Variants in CAMK1D observed in about 807,000 individuals in gnomAD.
CAMK1D encodes calcium/calmodulin-dependent protein kinase type 1D.
Under a neutral mutation model 47.7 loss-of-function variants are expected in CAMK1D, and 9 were observed. That is an observed-to-expected ratio of 0.19 (90% CI 0.11 to 0.33). The LOEUF (loss-of-function observed/expected upper bound fraction) is 0.33. Ranked by LOEUF, CAMK1D falls within the 10% of genes least tolerant of loss-of-function variation. The probability of loss-of-function intolerance (pLI) is 1.00; values close to 1 mark genes in which losing one functional copy is unlikely to be tolerated. For synonymous variants in CAMK1D, 184 were observed against 184.9 expected (o/e 0.99, Z 0.04); for missense variants, 291 against 488.7 (o/e 0.60, Z 3.81).
intron 1 of CAMK1D, among the ~76,000 whole-genome samples, chr10:12,475,934 C>T (rs747471376): frequency 1.6e-4 from 25 of 151,828 alleles, no homozygotes; most frequent in Non-Finnish European, 3.4e-4. Context: ...GTGATTTGAG[C>T]GCAGCGTAGG....
At chr10:12,763,335 T>G (rs1452633907) in intron 4 of CAMK1D, among the ~76,000 whole-genome samples, 1 of 152,234 alleles carries the variant, frequency 6.6e-6, no homozygotes, top group Non-Finnish European at 1.5e-5. Context: ...TCGTGTTAAT[T>G]TAAGCTTAGT....
intron 2 of CAMK1D, among the ~76,000 whole-genome samples, chr10:12,554,030 A>T (rs1836677951): frequency 6.6e-6 from 1 of 152,010 alleles, no homozygotes; most frequent in African/African-American, 2.4e-5. Flanking sequence ...TCACTGTTTC[A>T]GTGCTTACCT....
At chr10:12,644,534 C>T (rs1380894372) in intron 2 of CAMK1D, among the ~76,000 whole-genome samples, 1 of 152,172 alleles carries the variant, frequency 6.6e-6, no homozygotes, top group East Asian at 1.9e-4. Context: ...AGTTTTCTCT[C>T]CCTGGTCACT....
intron 3 of CAMK1D, among the ~76,000 whole-genome samples, chr10:12,717,729 T>C (rs1208084913): frequency 1.1e-4 from 4 of 36,956 alleles, no homozygotes; most frequent in African/African-American, 1.6e-4. Context: ...CTACAAAAAA[T>C]TGAAAAAAAA....
chr10:12,599,094 T>C (rs976981934), intron 2 of CAMK1D, among the ~76,000 whole-genome samples: 1 of 152,216 alleles, frequency 6.6e-6, no homozygotes, highest in Non-Finnish European at 1.5e-5. Context: ...TGTATGTTCA[T>C]ATGTTCCTAC....
chr10:12,679,814 C>T (rs1020511693), intron 3 of CAMK1D, among the ~76,000 whole-genome samples: 31 of 152,186 alleles, frequency 2.0e-4, no homozygotes, highest in Admixed American at 7.9e-4. Context: ...AGCACAGTCC[C>T]GCCCAGCACC....
intron 3 of CAMK1D, among the ~76,000 whole-genome samples, chr10:12,723,431 G>A (rs1588849675): frequency 6.6e-6 from 1 of 152,060 alleles, no homozygotes; most frequent in South Asian, 2.1e-4. Flanking sequence ...TCGTTTTTGG[G>A]GCATCTCATC....
chr10:12,644,279 C>T (rs1291196317), intron 2 of CAMK1D, among the ~76,000 whole-genome samples: 1 of 152,106 alleles, frequency 6.6e-6, no homozygotes, highest in Non-Finnish European at 1.5e-5. Flanking sequence ...CTCTAAGTTT[C>T]CCAACGAAAA....
intron 1 of CAMK1D, among the ~76,000 whole-genome samples, chr10:12,363,555 C>A (rs1482634013): frequency 1.3e-5 from 2 of 151,924 alleles, no homozygotes; most frequent in Non-Finnish European, 2.9e-5. Context: ...ACTTGTAATA[C>A]CCAATACAAT....
chr10:12,717,540 A>G (rs562930339), intron 3 of CAMK1D, among the ~76,000 whole-genome samples: 10 of 152,118 alleles, frequency 6.6e-5, no homozygotes, highest in East Asian at 3.9e-4. Context: ...TTCTCCACGA[A>G]AAAAAGATTT....
At chr10:12,575,593 A>G (rs1837467620) in intron 2 of CAMK1D, among the ~76,000 whole-genome samples, 1 of 152,216 alleles carries the variant, frequency 6.6e-6, no homozygotes, top group Admixed American at 6.5e-5. Context: ...ATTGGGATGC[A>G]GAAAGAAAAT....
chr10:12,692,988 A>T (rs1832988631), intron 3 of CAMK1D, among the ~76,000 whole-genome samples: 1 of 152,202 alleles, frequency 6.6e-6, no homozygotes, highest in Non-Finnish European at 1.5e-5. Flanking sequence ...TGCTGTGATT[A>T]ACATTTCAAT....
chr10:12,407,849 C>CTTT lies in CAMK1D; in HGVS notation c.92+57949_92+57951dup, dbSNP rs1347791228. ...TCCTCAAGGGTGTGATTGGCTGACT[C>CTTT]TTTTTTTTTTTTCTTTTTTTTTTTT... On this transcript the variant is annotated intron_variant, in intron 1 of 10. Transcript: ENST00000619168. 2.0e-3 allele frequency among the ~76,000 whole-genome samples: 258 copies of CTTT among 126,214 alleles called. 9 individuals are homozygous for CTTT. Among genetic ancestry groups the CTTT allele is most frequent in the African/African-American group, 2.7e-3 (89 of 33,064 alleles). The allele number at this position is 126,214 out of a possible 152,430, so 82.8% of individuals were successfully genotyped here.
intron 1 of CAMK1D, among the ~76,000 whole-genome samples, chr10:12,435,958 G>A (rs148361355): frequency 1.3e-5 from 2 of 152,316 alleles, no homozygotes; most frequent in East Asian, 3.9e-4. Flanking sequence ...ACCCTTGTCT[G>A]TAGATGAGCA....
intron 1 of CAMK1D, among the ~76,000 whole-genome samples, chr10:12,549,918 C>T (rs1034140881): frequency 6.6e-6 from 1 of 152,206 alleles, no homozygotes; most frequent in Admixed American, 6.5e-5. Flanking sequence ...GGCAACCTCG[C>T]TTCTCACTGT....
chr10:12,678,370 T>A (rs1840881952), intron 3 of CAMK1D, among the ~76,000 whole-genome samples: 1 of 152,268 alleles, frequency 6.6e-6, no homozygotes, highest in Non-Finnish European at 1.5e-5. Context: ...GATTTCAGTC[T>A]TTTAAATTTT....
chr10:12,757,750 C>G (rs1836296389), intron 3 of CAMK1D, among the ~76,000 whole-genome samples: 1 of 152,016 alleles, frequency 6.6e-6, no homozygotes, highest in South Asian at 2.1e-4. Flanking sequence ...CCATTCCTGC[C>G]TTGGAGGCAG....
rs1115520 is a variant in CAMK1D, at chr10:12,547,937, C to T, written c.93-5288C>T. On this transcript the variant is annotated intron_variant, in intron 1 of 10. Transcript: ENST00000619168. ...ATTGTTTGGCTAAATGATAAAGCAG[C>T]TGGATGTGCGGGCTCGGAGCGATGG... Among the ~76,000 whole-genome samples, 757 of 152,158 alleles carry T rather than the reference C, an allele frequency of 5.0e-3. 5 individuals carry two copies. The highest frequency in any genetic ancestry group is 0.012 in the Admixed American group (179 of 15,288).
chr10:12,427,810 C>T (rs1412370622), intron 1 of CAMK1D, among the ~76,000 whole-genome samples: 4 of 142,984 alleles, frequency 2.8e-5, no homozygotes, highest in East Asian at 4.3e-4. Context: ...CGGGTTCAAG[C>T]GATTCTCCTG....
Sources: gnomAD v4.1 joint callset for allele counts (sites outside exome capture counted in the v4.1 genomes callset) on GRCh38, gnomAD v4.1.1 for gene constraint, MANE v1.5 for transcripts, NCBI Gene and HGNC (gene_info 2026-07-23, HGNC 2026-07-21) for gene names.